The following NFIB variants were observed in gnomAD, a reference collection of about 807,000 sequenced individuals.
The protein encoded by NFIB is nuclear factor 1 B-type.
NFIB carries 11 observed loss-of-function variants against 61.5 expected under a neutral mutation model. That is an observed-to-expected ratio of 0.18 (90% confidence interval 0.11 to 0.30). The LOEUF is 0.30. NFIB is among the 10% of genes least tolerant of loss of function. The probability of loss-of-function intolerance (pLI) is 1.00; values close to 1 mark genes in which losing one functional copy is unlikely to be tolerated. For missense variants in NFIB, 471 were observed against 608.9 expected (o/e 0.77, Z 2.38); for synonymous variants, 260 against 216.5 (o/e 1.20, Z -1.76).
chr9:14,130,216 A>T (rs1272480225), intron 6 of NFIB, among the ~76,000 whole-genome samples: 2 of 152,102 alleles, frequency 1.3e-5, no homozygotes, highest in Non-Finnish European at 2.9e-5. Context: ...TATCTTTCTC[A>T]TTGCAAGATC....
chr9:14,239,095 A>G (rs1446922321), intron 2 of NFIB, among the ~76,000 whole-genome samples: 2 of 152,236 alleles, frequency 1.3e-5, no homozygotes, highest in Admixed American at 6.5e-5. Context: ...TGCCCATTAC[A>G]TAGGGATTCT....
the NFIB span, among the ~76,000 whole-genome samples, chr9:14,523,885 TCTTAC>T: frequency 6.6e-6 from 1 of 152,226 alleles, no homozygotes; most frequent in Non-Finnish European, 1.5e-5. Flanking sequence ...TTCTTCTTAC[TCTTAC>T]CTTCAGTTTT....
the NFIB span, among the ~76,000 whole-genome samples, chr9:14,437,988 T>G: frequency 2.0e-5 from 3 of 151,256 alleles, no homozygotes; most frequent in Non-Finnish European, 2.9e-5. Context: ...CTTGGGTACT[T>G]TCTAGAACAC....
At chr9:14,326,513 C>G (rs1198758503) in intron 1 of NFIB, among the ~76,000 whole-genome samples, 3 of 152,124 alleles carry the variant, frequency 2.0e-5, no homozygotes, top group Non-Finnish European at 4.4e-5. Flanking sequence ...CTGATGACAT[C>G]TTCTAACATA....
chr9:14,148,776 A>G (rs2131138620), intron 5 of NFIB, among the ~76,000 whole-genome samples: 1 of 152,304 alleles, frequency 6.6e-6, no homozygotes, highest in African/African-American at 2.4e-5. Context: ...TTTGACTCAC[A>G]ATTCTCAGAG....
chr9:14,495,284 GAT>G, the NFIB span, among the ~76,000 whole-genome samples: 1 of 152,110 alleles, frequency 6.6e-6, no homozygotes, highest in Non-Finnish European at 1.5e-5. Flanking sequence ...CTGGTTGTGA[GAT>G]AGTCCAGGAG....
At chr9:14,125,403 G>A (rs1003665602) in intron 7 of NFIB, among the ~76,000 whole-genome samples, 4 of 152,134 alleles carry the variant, frequency 2.6e-5, no homozygotes, top group African/African-American at 7.2e-5. Flanking sequence ...TGATCCACCC[G>A]CCTCAGCCTC....
At chr9:14,498,525 T>A in the NFIB span, among the ~76,000 whole-genome samples, 1 of 152,110 alleles carries the variant, frequency 6.6e-6, no homozygotes, top group East Asian at 1.9e-4. Flanking sequence ...AAAACCACCT[T>A]GAGATACACT....
intron 2 of NFIB, among the ~76,000 whole-genome samples, chr9:14,297,364 T>C (rs1563987167): frequency 6.6e-6 from 1 of 152,236 alleles, no homozygotes; most frequent in African/African-American, 2.4e-5. Flanking sequence ...ACTGAGGCCA[T>C]GGACTAAAAT....
At chr9:14,374,130 TTA>T (rs2061390147) in intron 1 of NFIB, among the ~76,000 whole-genome samples, 1 of 152,230 alleles carries the variant, frequency 6.6e-6, no homozygotes, top group African/African-American at 2.4e-5. Context: ...CAGTGGGGCC[TTA>T]TATGAGTGAA....
the NFIB span, among the ~76,000 whole-genome samples, chr9:14,525,158 G>T: frequency 6.6e-6 from 1 of 152,150 alleles, no homozygotes; most frequent in Non-Finnish European, 1.5e-5. Flanking sequence ...TGGAGCGAGT[G>T]TCCTGGCCCA....
At chr9:14,474,851 C>G in the NFIB span, among the ~76,000 whole-genome samples, 1 of 152,122 alleles carries the variant, frequency 6.6e-6, no homozygotes, top group African/African-American at 2.4e-5. Flanking sequence ...TCTGATGGCT[C>G]AAGAACCAGG....
chr9:14,246,874 G>T (rs1460319838), intron 2 of NFIB, among the ~76,000 whole-genome samples: 2 of 152,164 alleles, frequency 1.3e-5, no homozygotes, highest in Non-Finnish European at 1.5e-5. Flanking sequence ...GGGTCTTTAT[G>T]GAAGTAATTA....
chr9:14,115,320 T>C (rs1036750064), intron 9 of NFIB, among the ~76,000 whole-genome samples: 3 of 152,026 alleles, frequency 2.0e-5, no homozygotes, highest in South Asian at 2.1e-4. Flanking sequence ...ATTGAAGATA[T>C]CTGTATAATT....
At chr9:14,382,254 G>A (rs1377758182) in intron 1 of NFIB, among the ~76,000 whole-genome samples, 2 of 152,182 alleles carry the variant, frequency 1.3e-5, no homozygotes, top group Non-Finnish European at 2.9e-5. Flanking sequence ...TTCTTGACGA[G>A]TGGATGAATA....
chr9:14,319,837 G>GC (rs2060623151), intron 1 of NFIB, among the ~76,000 whole-genome samples: 1 of 152,142 alleles, frequency 6.6e-6, no homozygotes, highest in African/African-American at 2.4e-5. Context: ...TCAAAGCAAT[G>GC]CATAACAACA....
intron 1 of NFIB, among the ~76,000 whole-genome samples, chr9:14,379,838 A>G (rs2061464525): frequency 6.6e-6 from 1 of 152,016 alleles, no homozygotes; most frequent in South Asian, 2.1e-4. Flanking sequence ...GCCTGCCACC[A>G]CACCCAGCTA....
intron 3 of NFIB, 88 bp downstream of exon 3, chr9:14,179,639 C>G: frequency 7.1e-7 from 1 of 1,415,038 alleles, no homozygotes; most frequent in Non-Finnish European, 9.9e-7. Flanking sequence ...AAATAGGCAG[C>G]TGACCAATTA....
At chr9:14,121,901 A>T (rs771447637) in intron 7 of NFIB, among the ~76,000 whole-genome samples, 12 of 152,162 alleles carry the variant, frequency 7.9e-5, no homozygotes, top group Non-Finnish European at 1.6e-4. Flanking sequence ...AGTTTGAAAG[A>T]TGGAGAAAGA....
Sources: allele counts gnomAD v4.1 joint callset (sites outside exome capture counted in the v4.1 genomes callset), GRCh38; gene constraint gnomAD v4.1.1; transcripts MANE v1.5; gene names NCBI Gene and HGNC (gene_info 2026-07-23, HGNC 2026-07-21).